The following LHFPL4 variants were observed in gnomAD, a reference collection of about 807,000 sequenced individuals.
LHFPL4 encodes LHFPL tetraspan subfamily member 4 protein.
LHFPL4 carries 6 observed loss-of-function variants against 20.0 expected under a neutral mutation model. The observed-to-expected ratio is 0.30, with a 90% CI of 0.16 to 0.59. LHFPL4 has a LOEUF of 0.59. Among genes scored for constraint, LHFPL4 ranks in the 20% least tolerant of loss-of-function variants. The pLI, the probability that LHFPL4 is intolerant of heterozygous loss-of-function variation, is 0.88. For missense variants in LHFPL4, 215 were observed against 331.2 expected (o/e 0.65, Z 2.72); for synonymous variants, 129 against 143.8 (o/e 0.90, Z 0.74).
At chr3:9,517,801 G>GTTTTTTTTTTTT (rs1162876826) in intron 2 of LHFPL4, among the ~76,000 whole-genome samples, 1 of 75,608 alleles carries the variant, frequency 1.3e-5, no homozygotes, top group African/African-American at 4.0e-5. Flanking sequence ...GGGTTTTTTT[G>GTTTTTTTTTTTT]TTTTTTGTTT....
chr3:9,552,918 T>C (rs1212465219), intron 1 of LHFPL4, 71 bp from the exon 2 acceptor site: 1 of 115,164 alleles, frequency 8.7e-6, no homozygotes, highest in Admixed American at 1.2e-4. Context: ...GGTCTCCTAC[T>C]GGGGGGCCTA....
In LHFPL4 at chr3:9,502,074, C is replaced by A; in HGVS notation, c.*137G>T. The A allele has an allele frequency of 1.4e-6, 1 of 690,226 alleles. No individual in the cohort carries two copies. The highest frequency in any genetic ancestry group is 2.6e-6 in the Non-Finnish European group (1 of 383,894). The allele number at this position is 690,226 out of a possible 1,614,324, so 42.8% of individuals were successfully genotyped here. The stretch of plus-strand genomic sequence containing the variant: ...CATCCAGGCTTTCCTCTCCTCAAAG[C>A]CTGGAGCTTGCAGGGTAGTCGGTGA... On this transcript the variant is annotated 3_prime_UTR_variant, in exon 4 of 4. Coordinates refer to ENST00000287585, the MANE Select transcript of LHFPL4 (RefSeq NM_198560.3).
rs1244074589 is a variant in LHFPL4, at chr3:9,528,983, T to A, written c.407-22780A>T. ...CCCAGGCTGGAGTGCAGTAGCACGA[T>A]CTTGGCTCACTGCAACCTCCACCTC... On this transcript the variant is annotated intron_variant, in intron 2 of 3. Coordinates refer to ENST00000287585, the MANE Select transcript of LHFPL4 (RefSeq NM_198560.3). 1.1e-4 allele frequency among the ~76,000 whole-genome samples: 16 copies of A among 151,340 alleles called. 1 individual carries two copies. Among genetic ancestry groups the A allele is most frequent in the Non-Finnish European group, 2.9e-5 (2 of 67,908 alleles).
At chr3:9,505,922 C>T (rs754242562) in intron 3 of LHFPL4, 45 bp downstream of exon 3, 1 of 1,543,128 alleles carries the variant, frequency 6.5e-7, no homozygotes, top group South Asian at 1.1e-5. Flanking sequence ...CTCCCAGGAC[C>T]AGGCCTGGCT....
chr3:9,530,481 GT>G (rs2046402134), intron 2 of LHFPL4, among the ~76,000 whole-genome samples: 1 of 152,244 alleles, frequency 6.6e-6, no homozygotes, highest in South Asian at 2.1e-4. Flanking sequence ...ATGGAACAGA[GT>G]TAGGGCCTTG....
In LHFPL4 at chr3:9,499,374, C is replaced by A. The variant is rs1161694038; in HGVS notation, c.*2837G>T. 6.5e-6 allele frequency: 1 copy of A among 152,680 alleles called. No individual in the cohort carries two copies. Among genetic ancestry groups the A allele is most frequent in the Non-Finnish European group, 1.5e-5 (1 of 68,354 alleles). The allele number at this position is 152,680 out of a possible 1,614,324, so 9.5% of individuals were successfully genotyped here. On this transcript the variant is annotated 3_prime_UTR_variant, in exon 4 of 4. Transcript: ENST00000287585. The stretch of plus-strand genomic sequence containing the variant: ...CCAGGGCCCCAGTCTATGGTTTGGT[C>A]CCCACTCTGACTTCTACCCCTTGCC...
rs561917117 is a variant in LHFPL4, at chr3:9,540,015, G to C, written c.406+12259C>G. 1.8e-4 allele frequency among the ~76,000 whole-genome samples: 28 copies of C among 152,252 alleles called. No homozygotes were observed. The South Asian group carries it at 5.4e-3, about 29-fold the overall frequency. On this transcript the variant is annotated intron_variant, in intron 2 of 3. Coordinates refer to ENST00000287585, the MANE Select transcript of LHFPL4 (RefSeq NM_198560.3). ...ACATCGCTGGTGGGAGTGTAACTTT[G>C]TACAACGTCTGTGAAGGACACTGTT...
intron 2 of LHFPL4, among the ~76,000 whole-genome samples, chr3:9,510,018 T>C (rs1217653902): frequency 6.6e-6 from 1 of 152,188 alleles, no homozygotes; most frequent in African/African-American, 2.4e-5. Flanking sequence ...GCACAAGCTT[T>C]CTCAGCCTCA....
Position 9,527,251 on chromosome 3 carries a change from T to C in LHFPL4, c.407-21048A>G, listed in dbSNP as rs535228764. Among the ~76,000 whole-genome samples the C allele has an allele frequency of 1.5e-4, 23 of 152,270 alleles. No homozygotes were observed. In the South Asian group the frequency reaches 4.8e-3, roughly 32 times the overall value. On this transcript the variant is annotated intron_variant, in intron 2 of 3. Coordinates refer to ENST00000287585, the MANE Select transcript of LHFPL4 (RefSeq NM_198560.3). ...TCAGCTTTTTACAGAGTGGGTATATTCATATATTACTTGTGAAATTTAAAA... is the reference window on the plus strand; with the variant it reads ...TCAGCTTTTTACAGAGTGGGTATATCCATATATTACTTGTGAAATTTAAAA...
chr3:9,516,131 T>C (rs1273020981), intron 2 of LHFPL4, among the ~76,000 whole-genome samples: 2 of 152,322 alleles, frequency 1.3e-5, no homozygotes, highest in East Asian at 3.9e-4. Flanking sequence ...TACCAACAAT[T>C]GGGCCTTCAG....
intron 2 of LHFPL4, among the ~76,000 whole-genome samples, chr3:9,528,311 A>T (rs1046718819): frequency 6.6e-6 from 1 of 152,180 alleles, no homozygotes; most frequent in Non-Finnish European, 1.5e-5. Flanking sequence ...TGGGCATTTC[A>T]ACAGTGCTCA....
At chr3:9,518,984 C>T (rs1029420620) in intron 2 of LHFPL4, among the ~76,000 whole-genome samples, 43 of 151,628 alleles carry the variant, frequency 2.8e-4, no homozygotes, top group African/African-American at 1.0e-3. Flanking sequence ...GTTGCCCAAG[C>T]TGGAGTTCAG....
At chr3:9,530,120 TAA>T (rs772182988) in intron 2 of LHFPL4, among the ~76,000 whole-genome samples, 1 of 152,290 alleles carries the variant, frequency 6.6e-6, no homozygotes, top group South Asian at 2.1e-4. Flanking sequence ...GGCTTCAACT[TAA>T]AGTCACCAGC....
At chr3:9,502,709 A>C (rs2046185936) in intron 3 of LHFPL4, among the ~76,000 whole-genome samples, 1 of 151,792 alleles carries the variant, frequency 6.6e-6, no homozygotes, top group Non-Finnish European at 1.5e-5. Flanking sequence ...ATCTCAAAAA[A>C]AAAAAAAAGG....
intron 2 of LHFPL4, among the ~76,000 whole-genome samples, chr3:9,509,248 T>C (rs9810238): frequency 0.4 from 40,426 of 101,486 alleles, 6,865 homozygotes; most frequent in African/African-American, 0.52. Flanking sequence ...CGCACCCCCC[T>C]CTCTCTCTCT....
At chr3:9,502,574 A>T (rs2046185125) in intron 3 of LHFPL4, among the ~76,000 whole-genome samples, 1 of 152,114 alleles carries the variant, frequency 6.6e-6, no homozygotes, top group African/African-American at 2.4e-5. Flanking sequence ...ATGGTGGTGC[A>T]TGCCTGTAAT....
At chr3:9,548,854 C>T (rs531642548) in intron 2 of LHFPL4, among the ~76,000 whole-genome samples, 6 of 152,274 alleles carry the variant, frequency 3.9e-5, no homozygotes, top group East Asian at 1.9e-4. Flanking sequence ...AGCCCTGGAA[C>T]GTTTGCTGGA....
intron 2 of LHFPL4, among the ~76,000 whole-genome samples, chr3:9,520,452 C>G (rs926452356): frequency 6.6e-6 from 1 of 152,036 alleles, no homozygotes; most frequent in African/African-American, 2.4e-5. Flanking sequence ...TTCCCGAGTT[C>G]AAGAGATTCT....
rs1403517161 is a variant in LHFPL4, at chr3:9,532,954, G to T, written c.406+19320C>A. Among the ~76,000 whole-genome samples, 4 of 152,330 alleles carry T rather than the reference G, an allele frequency of 2.6e-5. No homozygotes were observed. In the East Asian group the frequency reaches 7.7e-4, roughly 29 times the overall value. Reference sequence around the variant, plus strand: ...CTCAGTGGGGGCAGAAGATTCTGCTGCTGCAGGGGCCCTGGAGGACAGTGC... The same window carrying T: ...CTCAGTGGGGGCAGAAGATTCTGCTTCTGCAGGGGCCCTGGAGGACAGTGC... On this transcript the variant is annotated intron_variant, in intron 2 of 3. Coordinates refer to ENST00000287585, the MANE Select transcript of LHFPL4 (RefSeq NM_198560.3).
Sources: allele counts gnomAD v4.1 joint callset (sites outside exome capture counted in the v4.1 genomes callset), GRCh38; gene constraint gnomAD v4.1.1; transcripts MANE v1.5; gene names NCBI Gene and HGNC (gene_info 2026-07-23, HGNC 2026-07-21).